The following KCNQ5 variants were observed in gnomAD, a reference collection of about 807,000 sequenced individuals.
KCNQ5 encodes the protein potassium voltage-gated channel subfamily KQT member 5.
KCNQ5 carries 30 observed loss-of-function variants against 98.2 expected under a neutral mutation model. That is an observed-to-expected ratio of 0.31 (90% CI 0.23 to 0.41). The LOEUF (loss-of-function observed/expected upper bound fraction) is 0.41, where lower values mean the gene tolerates loss of function less well. Ranked by LOEUF, KCNQ5 falls within the 10% of genes least tolerant of loss-of-function variation. KCNQ5 has a pLI of 1.00. For missense variants in KCNQ5, 835 were observed against 1,182.5 expected (o/e 0.71, Z 4.31); for synonymous variants, 458 against 449.4 (o/e 1.02, Z -0.24).
At chr6:73,048,896 A>G (rs1023333452) in intron 3 of KCNQ5, among the ~76,000 whole-genome samples, 5 of 152,234 alleles carry the variant, frequency 3.3e-5, no homozygotes, top group African/African-American at 1.2e-4. Context: ...ACTCTATTCC[A>G]TACTCTTAGT....
intron 1 of KCNQ5, among the ~76,000 whole-genome samples, chr6:72,790,197 G>C (rs574425414): frequency 6.6e-6 from 1 of 152,242 alleles, no homozygotes; most frequent in South Asian, 2.1e-4. Flanking sequence ...CAGCTCTTTT[G>C]TGCTCTATAG....
At chr6:72,903,259 T>C (rs1421238934) in intron 1 of KCNQ5, among the ~76,000 whole-genome samples, 1 of 152,214 alleles carries the variant, frequency 6.6e-6, no homozygotes, top group Non-Finnish European at 1.5e-5. Flanking sequence ...GTCTATCAAT[T>C]TGATTTATCT....
chr6:72,695,895 T>C (rs6917673), intron 1 of KCNQ5, among the ~76,000 whole-genome samples: 2,143 of 152,228 alleles, frequency 0.014, 55 homozygotes, highest in African/African-American at 0.049. Context: ...TCTCTGTCTC[T>C]AAAAAATAAA....
At chr6:72,879,893 T>C (rs1444031951) in intron 1 of KCNQ5, among the ~76,000 whole-genome samples, 1 of 152,176 alleles carries the variant, frequency 6.6e-6, no homozygotes, top group Non-Finnish European at 1.5e-5. Context: ...TCGAGTAGCC[T>C]CCTAAGCTGA....
rs2150342694 is a variant in KCNQ5, at chr6:73,024,961, T to C, written c.490-16975T>C. On this transcript the variant is annotated intron_variant, in intron 2 of 13. Transcript: ENST00000370398. ...GTATCAATTATAAGCCACATGCTTTTCTTAATATTTTGAACACTCAACATT... is the reference window on the plus strand; with the variant it reads ...GTATCAATTATAAGCCACATGCTTTCCTTAATATTTTGAACACTCAACATT... Among the ~76,000 whole-genome samples, 3 of 152,362 alleles carry C rather than the reference T, an allele frequency of 2.0e-5. No individual in the cohort carries two copies. In the East Asian group the frequency reaches 5.8e-4, roughly 29 times the overall value.
Position 72,622,505 on chromosome 6 carries a change from G to C in KCNQ5, c.316G>C (p.Val106Leu). Residue 106 changes from valine (V) to leucine (L), a missense_variant, in exon 1 of 14, where the codon GTC (valine) becomes CTC (leucine). By Grantham distance (32) the Val-to-Leu change is conservative. Around this residue, in one of 10 missense-constraint regions of KCNQ5, gnomAD observed 54 missense variants for 51.5 expected, o/e 1.05. Coordinates refer to ENST00000370398, the MANE Select transcript of KCNQ5 (RefSeq NM_019842.4). The surrounding 1 kb of genome is among the most constrained non-coding windows in gnomAD (Gnocchi z 6.0). ...YTSSQSCRRN[V>L]KYRRVQNYLY... ...GAGTAGCCAGAGCTGCCGGCGCAAC[G>C]TCAAGTACCGGCGGGTGCAGAACTA... The C allele has an allele frequency of 6.2e-7, 1 of 1,611,136 alleles. No homozygotes were observed. The highest frequency in any genetic ancestry group is 8.5e-7 in the Non-Finnish European group (1 of 1,178,816).
chr6:72,854,554 C>T (rs1366038883), intron 1 of KCNQ5, among the ~76,000 whole-genome samples: 1 of 151,610 alleles, frequency 6.6e-6, no homozygotes, highest in Non-Finnish European at 1.5e-5. Context: ...ATCATTAAGT[C>T]TTAAAAGAGA....
intron 1 of KCNQ5, among the ~76,000 whole-genome samples, chr6:72,808,505 C>G: frequency 6.6e-6 from 1 of 152,114 alleles, no homozygotes; most frequent in East Asian, 1.9e-4. Context: ...TAATTTTCTC[C>G]TATGTCTTAT....
intron 1 of KCNQ5, among the ~76,000 whole-genome samples, chr6:72,914,032 T>C (rs1780040396): frequency 6.6e-6 from 1 of 152,092 alleles, no homozygotes; most frequent in Non-Finnish European, 1.5e-5. Flanking sequence ...ACCTCTGGAA[T>C]GAGGAACTTA....
At chr6:72,831,227 G>C (rs1376472770) in intron 1 of KCNQ5, among the ~76,000 whole-genome samples, 1 of 152,160 alleles carries the variant, frequency 6.6e-6, no homozygotes, top group African/African-American at 2.4e-5. Context: ...TCCCATTACT[G>C]GGTATATACC....
rs73753261 is a variant in KCNQ5 at position 73,120,450 on chromosome 6, T to C, written c.1126-33T>C. 355 of 1,460,782 alleles carry C rather than the reference T, an allele frequency of 2.4e-4. 1 individual carries two copies. The African/African-American group carries it at 4.4e-3, about 18-fold the overall frequency. 90.5% of individuals were successfully genotyped at this position (1,460,782 alleles called of 1,614,324 possible). A position where few individuals can be genotyped will look rare whatever the true frequency, so the allele number is the denominator to read the frequency against. On this transcript the variant is annotated intron_variant, in intron 7 of 13. Coordinates refer to ENST00000370398, the MANE Select transcript of KCNQ5 (RefSeq NM_019842.4). The stretch of plus-strand genomic sequence containing the variant: ...TTATTCTAAATCCTGCTCTCTTTTT[T>C]CTTTTTCATGTCCCCATCTATGCCA...
intron 1 of KCNQ5, among the ~76,000 whole-genome samples, chr6:72,800,207 C>T (rs1193308814): frequency 6.6e-6 from 1 of 152,168 alleles, no homozygotes; most frequent in East Asian, 1.9e-4. Flanking sequence ...AGGAATGGTA[C>T]CAGTTCCTCC....
intron 11 of KCNQ5, among the ~76,000 whole-genome samples, chr6:73,173,992 G>A (rs563464577): frequency 6.6e-6 from 1 of 152,068 alleles, no homozygotes; most frequent in South Asian, 2.1e-4. Flanking sequence ...TTTGGGGAAA[G>A]AGCTTTGTTA....
intron 1 of KCNQ5, among the ~76,000 whole-genome samples, chr6:72,795,829 T>A (rs982570860): frequency 2.0e-5 from 3 of 152,298 alleles, no homozygotes; most frequent in South Asian, 2.1e-4. Flanking sequence ...TTATCATGAC[T>A]TTTTACTCAG....
intron 3 of KCNQ5, among the ~76,000 whole-genome samples, chr6:73,046,768 G>T (rs112098502): frequency 2.0e-5 from 3 of 151,722 alleles, no homozygotes; most frequent in Non-Finnish European, 2.9e-5. Flanking sequence ...TCAGCCTCCC[G>T]AGTAGCTGGG....
intron 1 of KCNQ5, among the ~76,000 whole-genome samples, chr6:72,969,867 G>A (rs373880610): frequency 6.6e-5 from 10 of 152,242 alleles, no homozygotes; most frequent in East Asian, 5.8e-4. Flanking sequence ...AGGACTGTCT[G>A]GATAACAACG....
chr6:72,749,520 A>G (rs1337235461), intron 1 of KCNQ5, among the ~76,000 whole-genome samples: 3 of 152,134 alleles, frequency 2.0e-5, no homozygotes, highest in Non-Finnish European at 4.4e-5. Context: ...TGTTACTGTG[A>G]ACTACTTCCT....
chr6:73,153,928 A>G (rs1336399480), intron 10 of KCNQ5, among the ~76,000 whole-genome samples: 1 of 151,118 alleles, frequency 6.6e-6, no homozygotes, highest in Non-Finnish European at 1.5e-5. Flanking sequence ...TTTGCTCTCC[A>G]AATTGCATCT....
intron 1 of KCNQ5, among the ~76,000 whole-genome samples, chr6:72,702,289 T>C (rs757298303): frequency 9.2e-5 from 14 of 152,186 alleles, no homozygotes; most frequent in South Asian, 2.1e-4. Flanking sequence ...AATACTAACA[T>C]TTGTGTAGCA....
Sources: gnomAD v4.1 joint callset for allele counts (sites outside exome capture counted in the v4.1 genomes callset) on GRCh38, gnomAD v4.1.1 for gene constraint, gnomAD v4.1.1 regional missense constraint, Gnocchi (gnomAD v3.1) non-coding constraint, MANE v1.5 for transcripts, NCBI Gene and HGNC (gene_info 2026-07-23, HGNC 2026-07-21) for gene names.